The following DPP10 variants were observed in gnomAD, a reference collection of about 807,000 sequenced individuals.
DPP10 encodes the protein dipeptidyl peptidase like 10.
A neutral mutation model predicts 120.9 loss-of-function variants in DPP10; 33 were observed. That is an observed-to-expected ratio of 0.27 (90% CI 0.21 to 0.37). DPP10 has a LOEUF of 0.37. DPP10 is among the 10% of genes least tolerant of loss of function. The pLI, the probability that DPP10 is intolerant of heterozygous loss-of-function variation, is 1.00. For synonymous variants in DPP10, 337 were observed against 326.1 expected (o/e 1.03, Z -0.36); for missense variants, 816 against 942.8 (o/e 0.87, Z 1.76).
chr2:114,471,655 G>A (rs1216405007), intron 1 of DPP10, among the ~76,000 whole-genome samples: 1 of 152,164 alleles, frequency 6.6e-6, no homozygotes, highest in East Asian at 1.9e-4. Context: ...CTAAAATGAC[G>A]TGGGTTGTAA....
At chr2:114,864,195 C>A (rs1472319672) in intron 1 of DPP10, among the ~76,000 whole-genome samples, 1 of 152,052 alleles carries the variant, frequency 6.6e-6, no homozygotes, top group African/African-American at 2.4e-5. Context: ...CCATGGAAAC[C>A]GGTAAAATCT....
At chr2:114,629,273 C>T (rs979687207) in intron 1 of DPP10, among the ~76,000 whole-genome samples, 9 of 152,160 alleles carry the variant, frequency 5.9e-5, no homozygotes, top group East Asian at 1.9e-4. Flanking sequence ...TCTCTGCCTT[C>T]GCTGAATTGA....
intron 1 of DPP10, among the ~76,000 whole-genome samples, chr2:114,815,882 G>GT (rs3036391): frequency 2.4e-3 from 350 of 144,072 alleles, no homozygotes; most frequent in Admixed American, 3.5e-3. Flanking sequence ...AATTTTCTTA[G>GT]TTTTTTTTTT....
intron 1 of DPP10, among the ~76,000 whole-genome samples, chr2:114,801,885 G>A (rs1232549666): frequency 6.6e-6 from 1 of 152,106 alleles, no homozygotes; most frequent in Non-Finnish European, 1.5e-5. Context: ...ACCAAAGACT[G>A]AAATATTAAT....
chr2:114,983,584 CT>C lies in DPP10; in HGVS notation c.61-325652del, dbSNP rs560639546. On this transcript the variant is annotated intron_variant, in intron 1 of 25. Coordinates refer to ENST00000410059, the MANE Select transcript of DPP10 (RefSeq NM_020868.6). Reference sequence around the variant, plus strand: ...TGCATTCCCCTAAGGTCATTTTAGCCTTTATACATGGTTAAAGGCTTTCATG... The same window carrying C: ...TGCATTCCCCTAAGGTCATTTTAGCCTTATACATGGTTAAAGGCTTTCATG... 5.8e-3 allele frequency among the ~76,000 whole-genome samples: 882 copies of C among 152,172 alleles called. 2 individuals are homozygous for C. The highest frequency in any genetic ancestry group is 0.02 in the African/African-American group (830 of 41,530).
intron 1 of DPP10, among the ~76,000 whole-genome samples, chr2:115,101,084 C>A (rs1516309): frequency 0.21 from 31,289 of 152,038 alleles, 3,960 homozygotes; most frequent in East Asian, 0.36. Context: ...TCATATTTGT[C>A]CTCATCACGC....
intron 1 of DPP10, among the ~76,000 whole-genome samples, chr2:114,751,467 C>A (rs957947312): frequency 1.3e-5 from 2 of 152,192 alleles, no homozygotes; most frequent in Non-Finnish European, 2.9e-5. Context: ...CTGTGGACAT[C>A]TAGGGAGTCT....
intron 1 of DPP10, among the ~76,000 whole-genome samples, chr2:115,051,749 T>C (rs1351753451): frequency 6.6e-6 from 1 of 152,136 alleles, no homozygotes; most frequent in Non-Finnish European, 1.5e-5. Context: ...GCTCTAGAGA[T>C]GTAGCATACA....
At chr2:114,905,983 A>G (rs571639741) in intron 1 of DPP10, among the ~76,000 whole-genome samples, 5 of 152,340 alleles carry the variant, frequency 3.3e-5, no homozygotes, top group African/African-American at 9.6e-5. Flanking sequence ...TGTTAACTAC[A>G]CATAGGATAA....
chr2:115,153,834 T>C, intron 1 of DPP10, among the ~76,000 whole-genome samples: 1 of 152,146 alleles, frequency 6.6e-6, no homozygotes, highest in South Asian at 2.1e-4. Context: ...CCATACTAAG[T>C]GGTACTAAGT....
chr2:115,607,218 C>T (rs1247832173), intron 5 of DPP10, among the ~76,000 whole-genome samples: 1 of 152,000 alleles, frequency 6.6e-6, no homozygotes, highest in Non-Finnish European at 1.5e-5. Flanking sequence ...TCATTTTTGG[C>T]AAAGGCATAA....
intron 1 of DPP10, among the ~76,000 whole-genome samples, chr2:114,757,668 C>T (rs1320345579): frequency 6.6e-6 from 1 of 152,058 alleles, no homozygotes; most frequent in Admixed American, 6.6e-5. Flanking sequence ...AAATTAGTAG[C>T]CTTAAGTGTG....
chr2:114,981,761 G>GCTTTGTT, intron 1 of DPP10, among the ~76,000 whole-genome samples: 1 of 147,898 alleles, frequency 6.8e-6, no homozygotes, highest in Non-Finnish European at 1.5e-5. Context: ...TTTTTGTTTT[G>GCTTTGTT]TTTTGTTTTT....
chr2:115,469,906 A>C (rs965162728), intron 3 of DPP10, among the ~76,000 whole-genome samples: 1 of 151,788 alleles, frequency 6.6e-6, no homozygotes, highest in Non-Finnish European at 1.5e-5. Context: ...AAAAGAAAAA[A>C]AAAAACTAGT....
chr2:115,496,193 AC>A (rs981476925), intron 3 of DPP10, among the ~76,000 whole-genome samples: 11 of 152,178 alleles, frequency 7.2e-5, no homozygotes, highest in African/African-American at 2.6e-4. Context: ...AACAAAAAAA[AC>A]CCCAAGAAAA....
chr2:115,461,205 CT>C (rs72345226), intron 3 of DPP10, among the ~76,000 whole-genome samples: 21,331 of 147,180 alleles, frequency 0.14, 3,277 homozygotes, highest in African/African-American at 0.38. Context: ...TGATTTGATG[CT>C]TTTTTTTTTA....
At chr2:115,254,813 C>A (rs2058909572) in intron 1 of DPP10, among the ~76,000 whole-genome samples, 1 of 152,202 alleles carries the variant, frequency 6.6e-6, no homozygotes, top group South Asian at 2.1e-4. Context: ...TGTCTCAGAT[C>A]CAGGTCACCC....
At chr2:114,868,295 A>T (rs1307937997) in intron 1 of DPP10, among the ~76,000 whole-genome samples, 1 of 152,060 alleles carries the variant, frequency 6.6e-6, no homozygotes, top group Non-Finnish European at 1.5e-5. Flanking sequence ...TCTAGTACTA[A>T]CCAATCCATT....
Position 114,827,379 on chromosome 2 carries a change from T to C in DPP10, c.60+384541T>C, listed in dbSNP as rs558132992. ...GCTCTATGTAGGAGAAAGACAACTG[T>C]AGATACTGGTTTGTCTATAGATCCA... On this transcript the variant is annotated intron_variant, in intron 1 of 25. Transcript: ENST00000410059. Among the ~76,000 whole-genome samples the C allele has an allele frequency of 2.4e-4, 36 of 152,282 alleles. 3 individuals are homozygous for C. The South Asian group carries it at 7.3e-3, about 31-fold the overall frequency.
Sources: allele counts gnomAD v4.1 joint callset (sites outside exome capture counted in the v4.1 genomes callset), GRCh38; gene constraint gnomAD v4.1.1; transcripts MANE v1.5; gene names NCBI Gene and HGNC (gene_info 2026-07-23, HGNC 2026-07-21).